AHI1: variants seen among roughly 807,000 people sequenced by gnomAD.
AHI1 encodes the protein Abelson helper integration site 1, also known as jouberin.
In AHI1, 123 loss-of-function variants were observed where a neutral mutation model predicts 149.3. That is an observed-to-expected ratio of 0.82 (90% confidence interval 0.71 to 0.96). The LOEUF is 0.96. AHI1 is among the 40% of genes least tolerant of loss of function. The pLI is 0.00. For synonymous variants in AHI1, 475 were observed against 459.8 expected (o/e 1.03, Z -0.42); for missense variants, 1,439 against 1,422.7 (o/e 1.01, Z -0.18).
At chr6:135,430,022 C>G in intron 17 of AHI1, 22 bp from the exon 18 acceptor site, 2 of 1,335,998 alleles carry the variant, frequency 1.5e-6, no homozygotes, top group Non-Finnish European at 2.1e-6. Flanking sequence ...AAAAAAAATA[C>G]TACTACTGAA....
At chr6:135,396,596 T>C (rs889484286) in intron 22 of AHI1, among the ~76,000 whole-genome samples, 6 of 151,860 alleles carry the variant, frequency 4.0e-5, no homozygotes, top group Admixed American at 3.9e-4. Context: ...TGATGTCATA[T>C]GATGATGTAG....
chr6:135,318,391 T>C lies in AHI1; in HGVS notation c.3426+128A>G, dbSNP rs539653309. ...TTGCCTTATGTATTTCATAATGATG[T>C]TTGTACCAAGACATAAAAAATAATG... is the stretch of plus-strand genomic sequence containing the variant. On this transcript the variant is annotated intron_variant, in intron 26 of 28. Coordinates refer to ENST00000265602, the MANE Select transcript of AHI1 (RefSeq NM_001134831.2). 294 of 701,756 alleles carry C rather than the reference T, an allele frequency of 4.2e-4. 2 individuals carry two copies. Among genetic ancestry groups the C allele is most frequent in the Non-Finnish European group, 5.2e-4 (220 of 423,408 alleles). The allele number at this position is 701,756 out of a possible 1,614,324, so 43.5% of individuals were successfully genotyped here. A position where few individuals can be genotyped will look rare whatever the true frequency, so the allele number is the denominator to read the frequency against.
chr6:135,311,940 C>T (rs1785264906), intron 26 of AHI1, among the ~76,000 whole-genome samples: 1 of 152,160 alleles, frequency 6.6e-6, no homozygotes, highest in African/African-American at 2.4e-5. Flanking sequence ...ACAAATGCTG[C>T]CATCACCCAC....
intron 22 of AHI1, among the ~76,000 whole-genome samples, chr6:135,401,134 G>A (rs2128493212): frequency 6.6e-6 from 1 of 152,236 alleles, no homozygotes; most frequent in South Asian, 2.1e-4. Flanking sequence ...TCCTAGATGA[G>A]GATTTTTGCA....
intron 24 of AHI1, among the ~76,000 whole-genome samples, chr6:135,356,265 C>T (rs1582785201): frequency 6.6e-6 from 1 of 152,116 alleles, no homozygotes; most frequent in Non-Finnish European, 1.5e-5. Context: ...TACAAATATT[C>T]CACTTTGATA....
rs1784228652 is a variant in AHI1 at position 135,428,602 on chromosome 6, G to A, written c.2623+27C>T. ...TTCAAACCCCTGTACCTCCCCAAAT[G>A]ATTTTTAAAGTTCAATAAACATTCA... On this transcript the variant is annotated intron_variant, in intron 19 of 28. Transcript: ENST00000265602. 11 of 1,585,178 alleles carry A rather than the reference G, an allele frequency of 6.9e-6. No individual in the cohort carries two copies. The East Asian group carries it at 2.5e-4, about 36-fold the overall frequency.
At chr6:135,376,111 G>A (rs114794744) in intron 23 of AHI1, among the ~76,000 whole-genome samples, 6,120 of 151,772 alleles carry the variant, frequency 0.04, 436 homozygotes, top group African/African-American at 0.14. Flanking sequence ...GGGGCGGGGC[G>A]CAGTGGTGGG....
intron 23 of AHI1, among the ~76,000 whole-genome samples, chr6:135,391,275 T>G (rs1373089967): frequency 6.6e-6 from 1 of 152,214 alleles, no homozygotes; most frequent in African/African-American, 2.4e-5. Flanking sequence ...TACCCAACTT[T>G]TTTGGCACCA....
In AHI1 at chr6:135,302,826, G is replaced by A. The variant is rs7761757; in HGVS notation, c.3427-2268C>T. On this transcript the variant is annotated intron_variant, in intron 26 of 28. Coordinates refer to ENST00000265602, the MANE Select transcript of AHI1 (RefSeq NM_001134831.2). ...GTTTTGTTTTATTTTACCTTTAAAC[G>A]AAAAAGCCCCCAAGGCTGGTGTTCA... The A allele has an allele frequency of 0.016, 20,133 of 1,288,322 alleles. 2,389 individuals are homozygous for A. In the African/African-American group the frequency reaches 0.26, roughly 17 times the overall value. The allele number at this position is 1,288,322 out of a possible 1,614,324, so 79.8% of individuals were successfully genotyped here.
intron 20 of AHI1, among the ~76,000 whole-genome samples, chr6:135,423,246 T>C (rs942855238): frequency 6.6e-6 from 1 of 152,210 alleles, no homozygotes; most frequent in African/African-American, 2.4e-5. Context: ...CCAAATTTAC[T>C]GATGATGCCT....
At chr6:135,418,102 C>A (rs1412048229) in intron 20 of AHI1, among the ~76,000 whole-genome samples, 1 of 151,958 alleles carries the variant, frequency 6.6e-6, no homozygotes, top group Non-Finnish European at 1.5e-5. Flanking sequence ...CTACTCTAAC[C>A]TGGTATGTTT....
At chr6:135,466,962 T>G (rs561458457) in intron 6 of AHI1, among the ~76,000 whole-genome samples, 6 of 152,294 alleles carry the variant, frequency 3.9e-5, no homozygotes, top group Non-Finnish European at 8.8e-5. Flanking sequence ...AAATGAGATA[T>G]ATTTTTAATA....
At chr6:135,295,998 G>T (rs1472885158) in intron 27 of AHI1, among the ~76,000 whole-genome samples, 1 of 152,038 alleles carries the variant, frequency 6.6e-6, no homozygotes, top group South Asian at 2.1e-4. Context: ...GATTCCAGGC[G>T]CCTGCCACCA....
At chr6:135,327,508 TA>T (rs1484898424) in intron 24 of AHI1, among the ~76,000 whole-genome samples, 1 of 152,222 alleles carries the variant, frequency 6.6e-6, no homozygotes. Context: ...AGTGTGGTGT[TA>T]TAATATGTAT....
intron 27 of AHI1, among the ~76,000 whole-genome samples, chr6:135,292,919 T>A (rs1338472737): frequency 6.6e-6 from 1 of 152,122 alleles, no homozygotes; most frequent in Non-Finnish European, 1.5e-5. Context: ...TATCTCCTCA[T>A]CAAAATCAGC....
chr6:135,324,939 C>A (rs1013213059), intron 24 of AHI1, among the ~76,000 whole-genome samples: 1 of 152,078 alleles, frequency 6.6e-6, no homozygotes, highest in Non-Finnish European at 1.5e-5. Flanking sequence ...ATTCAACTGG[C>A]TCAAATGCAA....
intron 5 of AHI1, among the ~76,000 whole-genome samples, chr6:135,488,346 C>A (rs1794772337): frequency 6.6e-6 from 1 of 152,080 alleles, no homozygotes; most frequent in Admixed American, 6.6e-5. Context: ...TAGTTTTGGT[C>A]ATTTCTTCCC....
At chr6:135,456,426 C>T (rs1788958375) in intron 9 of AHI1, among the ~76,000 whole-genome samples, 1 of 152,048 alleles carries the variant, frequency 6.6e-6, no homozygotes, top group African/African-American at 2.4e-5. Context: ...TGTCTGCAGT[C>T]CCAGCTACGT....
intron 23 of AHI1, among the ~76,000 whole-genome samples, chr6:135,391,984 T>G (rs1414077722): frequency 1.3e-5 from 2 of 152,090 alleles, no homozygotes; most frequent in Non-Finnish European, 2.9e-5. Context: ...GTAGGGGAAG[T>G]GGAGGTGGAG....
Sources: gnomAD v4.1 joint callset for allele counts (sites outside exome capture counted in the v4.1 genomes callset) on GRCh38, gnomAD v4.1.1 for gene constraint, MANE v1.5 for transcripts, NCBI Gene and HGNC (gene_info 2026-07-23, HGNC 2026-07-21) for gene names.